Variants in CLTCL1 observed in about 807,000 individuals in gnomAD.
CLTCL1 encodes the protein clathrin heavy chain 2.
A neutral mutation model predicts 190.0 loss-of-function variants in CLTCL1; 159 were observed. The ratio of observed to expected loss-of-function variants is 0.84; its 90% CI spans 0.74 to 0.95. The LOEUF is 0.95. Among genes scored for constraint, CLTCL1 ranks in the 40% least tolerant of loss-of-function variants. The pLI, the probability that CLTCL1 is intolerant of heterozygous loss-of-function variation, is 0.00. For missense variants in CLTCL1, 1,878 were observed against 2,033.4 expected, an observed-to-expected ratio of 0.92 and a Z score of 1.47; for synonymous variants, 752 against 769.6, an observed-to-expected ratio of 0.98 and a Z score of 0.38.
intron 2 of CLTCL1, among the ~76,000 whole-genome samples, chr22:19,271,129 A>G (rs1555980477): frequency 1.3e-5 from 2 of 148,626 alleles, no homozygotes; most frequent in Non-Finnish European, 2.9e-5. Context: ...CCGCACAGAT[A>G]CTAGATTAGC....
intron 19 of CLTCL1, 112 bp from the exon 20 acceptor site, chr22:19,210,621 A>G (rs1569174783): frequency 1.4e-6 from 1 of 707,306 alleles, no homozygotes; most frequent in East Asian, 2.8e-5. Context: ...AGTAATTAAT[A>G]TACACACACA....
chr22:19,251,929 C>T (rs149003602), intron 3 of CLTCL1, among the ~76,000 whole-genome samples: 121 of 152,246 alleles, frequency 7.9e-4, no homozygotes, highest in African/African-American at 2.1e-3. Flanking sequence ...GTTGTAGATG[C>T]CCTTTATCAG....
chr22:19,246,601 G>A (rs373130455), intron 3 of CLTCL1, among the ~76,000 whole-genome samples: 26 of 151,778 alleles, frequency 1.7e-4, no homozygotes, highest in East Asian at 5.8e-4. Flanking sequence ...CTCAGCCTCC[G>A]GAGTAGCTGG....
At chr22:19,219,747 A>G in intron 18 of CLTCL1, 138 bp downstream of exon 18, 3 of 1,289,002 alleles carry the variant, frequency 2.3e-6, no homozygotes, top group Non-Finnish European at 2.1e-6. Flanking sequence ...CCGCCTCCCA[A>G]ATTGCTGGCA....
rs1293974792 is a variant in CLTCL1, at chr22:19,206,719, G to A, written c.3600+1435C>T. Reference sequence around the variant, plus strand: ...CCCAAAGTGCTGGGATTACAGGCATGAGCCACTGTGCCCGGCCCACTTTGT... The same window carrying A: ...CCCAAAGTGCTGGGATTACAGGCATAAGCCACTGTGCCCGGCCCACTTTGT... On this transcript the variant is annotated intron_variant, in intron 22 of 32. Coordinates refer to ENST00000427926, the MANE Select transcript of CLTCL1 (RefSeq NM_007098.4). Among the ~76,000 whole-genome samples, 5 of 152,120 alleles carry A rather than the reference G, an allele frequency of 3.3e-5. No individual in the cohort carries two copies. In the South Asian group the frequency reaches 6.2e-4, roughly 19 times the overall value.
chr22:19,183,971 C>T (rs143744417), intron 29 of CLTCL1: 1 of 350,748 alleles, frequency 2.9e-6, no homozygotes. Context: ...GTCCATGGAG[C>T]GTGTGACACC....
intron 1 of CLTCL1, among the ~76,000 whole-genome samples, chr22:19,278,956 G>A (rs1007490301): frequency 6.6e-6 from 1 of 152,088 alleles, no homozygotes; most frequent in African/African-American, 2.4e-5. Context: ...TGGCCAGGCT[G>A]GTCTCGAACT....
At chr22:19,280,306 C>A (rs1447068565) in intron 1 of CLTCL1, among the ~76,000 whole-genome samples, 1 of 150,988 alleles carries the variant, frequency 6.6e-6, no homozygotes, top group African/African-American at 2.4e-5. Context: ...ACAACACTGA[C>A]AAGATACTGG....
At chr22:19,184,559 A>G (rs546742021) in intron 29 of CLTCL1, 149 of 455,882 alleles carry the variant, frequency 3.3e-4, no homozygotes, top group African/African-American at 2.7e-3. Flanking sequence ...CAGGATTCTG[A>G]CCCTCAGGTG....
At chr22:19,274,960 C>G (rs1555982431) in intron 2 of CLTCL1, among the ~76,000 whole-genome samples, 1 of 152,010 alleles carries the variant, frequency 6.6e-6, no homozygotes, top group African/African-American at 2.4e-5. Flanking sequence ...AACTCCCAAC[C>G]TCAGGTGATC....
intron 29 of CLTCL1, chr22:19,184,355 G>A (rs892973903): frequency 2.2e-5 from 9 of 409,120 alleles, no homozygotes; most frequent in African/African-American, 1.0e-4. Context: ...ACCCTGTGGC[G>A]GTCCCAGCTC....
chr22:19,216,374 G>T, intron 18 of CLTCL1, 118 bp from the exon 19 acceptor site: 1 of 869,452 alleles, frequency 1.2e-6, no homozygotes, highest in East Asian at 2.6e-5. Flanking sequence ...CAGAGAAAAT[G>T]GGAGACTTCT....
At chr22:19,222,234 C>T (rs1555952990) in intron 15 of CLTCL1, 141 bp from the exon 16 acceptor site, 4 of 800,754 alleles carry the variant, frequency 5.0e-6, no homozygotes, top group Non-Finnish European at 8.1e-6. Context: ...AATTCACCTG[C>T]TGATGTCCTA....
intron 11 of CLTCL1, among the ~76,000 whole-genome samples, chr22:19,227,314 C>G (rs1370746183): frequency 7.0e-6 from 1 of 142,086 alleles, no homozygotes; most frequent in Non-Finnish European, 1.5e-5. Context: ...GGGTCTCACT[C>G]TGTTGCCCAG....
At chr22:19,214,355 T>A (rs898160795) in intron 19 of CLTCL1, among the ~76,000 whole-genome samples, 4 of 152,170 alleles carry the variant, frequency 2.6e-5, no homozygotes, top group African/African-American at 4.8e-5. Flanking sequence ...TGGTGGCTGA[T>A]GAGGCTGAAT....
chr22:19,190,986 C>T (rs1303846192), intron 27 of CLTCL1, among the ~76,000 whole-genome samples: 1 of 152,058 alleles, frequency 6.6e-6, no homozygotes, highest in Non-Finnish European at 1.5e-5. Context: ...CCGTGGTAGC[C>T]AGGGTGGTCT....
intron 19 of CLTCL1, among the ~76,000 whole-genome samples, chr22:19,213,434 C>T (rs1555947930): frequency 6.6e-6 from 1 of 152,194 alleles, no homozygotes; most frequent in Admixed American, 6.5e-5. Flanking sequence ...TTAAACAGTA[C>T]ATATACCATG....
chr22:19,191,853 C>A (rs1028843503), intron 26 of CLTCL1, among the ~76,000 whole-genome samples: 4 of 152,156 alleles, frequency 2.6e-5, no homozygotes, highest in Non-Finnish European at 5.9e-5. Context: ...AAGTGGACAG[C>A]ATGTCCTGTG....
chr22:19,191,370 G>C lies in CLTCL1; in HGVS notation c.4257C>G (p.Ile1419Met). 1 of 1,614,018 alleles carries C rather than the reference G, an allele frequency of 6.2e-7. No individual in the cohort carries two copies. Among genetic ancestry groups the C allele is most frequent in the South Asian group, 1.1e-5 (1 of 91,084 alleles). Residue 1419 changes from isoleucine to methionine, a missense_variant, in exon 27 of 33, where the codon ATC (isoleucine) becomes ATG (methionine). Ile to Met is a conservative substitution (Grantham distance 10). Transcript: ENST00000427926. ...GTGAAAGCACCAGCAGCAGGTCATTGATGAGCAGTGGTTTGTAATCCAAAT... is the reference window on the plus strand; with the variant it reads ...GTGAAAGCACCAGCAGCAGGTCATTCATGAGCAGTGGTTTGTAATCCAAAT... ...QFYLDYKPLL[I>M]NDLLLVLSPR...
Sources: gnomAD v4.1 joint callset for allele counts (sites outside exome capture counted in the v4.1 genomes callset) on GRCh38, gnomAD v4.1.1 for gene constraint, MANE v1.5 for transcripts, NCBI Gene and HGNC (gene_info 2026-07-23, HGNC 2026-07-21) for gene names.